The following PCDH11X variants were observed in gnomAD, a reference collection of about 807,000 sequenced individuals.
The protein encoded by PCDH11X is protocadherin-11 X-linked.
Under a neutral mutation model 53.3 loss-of-function variants are expected in PCDH11X, and 18 were observed. The observed-to-expected ratio is 0.34, with a 90% CI of 0.23 to 0.50. PCDH11X has a LOEUF of 0.50. PCDH11X is among the 20% of genes least tolerant of loss of function. The pLI is 0.98. For synonymous variants in PCDH11X, 279 were observed against 393.3 expected (o/e 0.71, Z 3.44); for missense variants, 570 against 1,032.4 (o/e 0.55, Z 6.14).
chrX:92,179,337 G>A (rs961079208), intron 6 of PCDH11X, among the ~76,000 whole-genome samples: 6 of 112,209 alleles, frequency 5.3e-5, no homozygotes, highest in South Asian at 3.6e-4. Context: ...CAGAAAACTT[G>A]AAGTTGCCCC....
intron 10 of PCDH11X, among the ~76,000 whole-genome samples, chrX:92,473,843 T>A (rs1346361794): frequency 3.6e-5 from 4 of 111,832 alleles, no homozygotes; most frequent in African/African-American, 1.3e-4. Flanking sequence ...TTGAATGTTT[T>A]AAGAATTGTT....
intron 10 of PCDH11X, among the ~76,000 whole-genome samples, chrX:92,474,411 C>A (rs1400512837): frequency 9.5e-6 from 1 of 105,162 alleles, no homozygotes; most frequent in Non-Finnish European, 1.9e-5. Flanking sequence ...CACTCTATGC[C>A]TTTTGATTGG....
intron 6 of PCDH11X, among the ~76,000 whole-genome samples, chrX:92,198,695 T>C (rs1246125671): frequency 9.0e-6 from 1 of 111,226 alleles, no homozygotes; most frequent in Admixed American, 9.7e-5. Context: ...CTGCATCTTA[T>C]TATTTTCATG....
intron 10 of PCDH11X, among the ~76,000 whole-genome samples, chrX:92,472,370 C>CT (rs750331340): frequency 0.04 from 2,121 of 52,502 alleles, 76 homozygotes; most frequent in African/African-American, 0.055. Context: ...TTCTTCAGAG[C>CT]TTTTTTTTTT....
chrX:91,903,664 T>C (rs1484888045), intron 6 of PCDH11X, among the ~76,000 whole-genome samples: 2 of 107,933 alleles, frequency 1.9e-5, no homozygotes, highest in African/African-American at 6.8e-5. Flanking sequence ...TGCGTGTGTG[T>C]GTGTGTGTGT....
chrX:91,804,191 G>T (rs1386321237), intron 1 of PCDH11X, among the ~76,000 whole-genome samples: 2 of 111,285 alleles, frequency 1.8e-5, no homozygotes, highest in East Asian at 5.7e-4. Flanking sequence ...AAAAATCATC[G>T]AGTTAATTAA....
At chrX:91,919,399 C>T (rs1335908817) in intron 6 of PCDH11X, among the ~76,000 whole-genome samples, 2 of 111,634 alleles carry the variant, frequency 1.8e-5, no homozygotes, top group Non-Finnish European at 3.8e-5. Flanking sequence ...TGGGTACTTC[C>T]GTGAAAGTGA....
intron 10 of PCDH11X, among the ~76,000 whole-genome samples, chrX:92,608,479 TC>T (rs1927041862): frequency 9.1e-6 from 1 of 109,809 alleles, no homozygotes; most frequent in African/African-American, 3.3e-5. Flanking sequence ...CTTTGTATTA[TC>T]GTTTGTCCTA....
At position 92,387,808 on chromosome X, in the gene PCDH11X, A is replaced by G. The variant is rs2071041260; in HGVS notation, c.3218A>G (p.His1073Arg). The G allele has an allele frequency of 2.5e-6, 3 of 1,211,979 alleles. No individual in the cohort carries two copies. Among genetic ancestry groups the G allele is most frequent in the Middle Eastern group, 2.3e-4 (1 of 4,348 alleles). Residue 1073 changes from histidine to arginine, a missense_variant, in exon 9 of 11, where the codon CAT becomes CGT. By Grantham distance (29) the His-to-Arg change is conservative. Coordinates refer to ENST00000682573, the MANE Select transcript of PCDH11X (RefSeq NM_032968.5). Reference sequence around the variant, plus strand: ...AGCAGTGATGGTGGACTGGGAGACCATGATGCAGGCAGCCTTACCAGCACA... The same window carrying G: ...AGCAGTGATGGTGGACTGGGAGACCGTGATGCAGGCAGCCTTACCAGCACA... ...ESSSDGGLGD[H>R]DAGSLTSTSH...
rs2755296 is a variant in PCDH11X at position 92,302,061 on chromosome X, C to T, written c.3144+38918C>T. Among the ~76,000 whole-genome samples, 402 of 111,360 alleles carry T rather than the reference C, an allele frequency of 3.6e-3. 2 individuals carry two copies. Among genetic ancestry groups the T allele is most frequent in the African/African-American group, 0.013 (393 of 30,573 alleles). ...GGCAGATTGGGACCCTAGTATTCTTCGTTGTATCTTTTCCAAGGTAGAACC... is the reference window on the plus strand; with the variant it reads ...GGCAGATTGGGACCCTAGTATTCTTTGTTGTATCTTTTCCAAGGTAGAACC... On this transcript the variant is annotated intron_variant, in intron 8 of 10. Coordinates refer to ENST00000682573, the MANE Select transcript of PCDH11X (RefSeq NM_032968.5).
chrX:92,298,216 G>T (rs34608881), intron 8 of PCDH11X, among the ~76,000 whole-genome samples: 1 of 111,599 alleles, frequency 9.0e-6, no homozygotes, highest in East Asian at 2.8e-4. Flanking sequence ...GAGCATTATT[G>T]TCTTGTTCCA....
intron 1 of PCDH11X, among the ~76,000 whole-genome samples, 198 bp from the exon 2 acceptor site, chrX:91,809,268 A>C (rs768321281): frequency 9.0e-6 from 1 of 110,890 alleles, no homozygotes; most frequent in East Asian, 2.8e-4. Flanking sequence ...CCAGCTATTT[A>C]TCAAAAACAT....
At chrX:92,403,333 T>TTTTG (rs1318716850) in intron 9 of PCDH11X, among the ~76,000 whole-genome samples, 40 of 75,081 alleles carry the variant, frequency 5.3e-4, no homozygotes, top group African/African-American at 2.5e-3. Flanking sequence ...ATTTACGTTT[T>TTTTG]TTTTTGTTTT....
intron 10 of PCDH11X, among the ~76,000 whole-genome samples, chrX:92,548,470 C>A (rs754043129): frequency 5.7e-4 from 64 of 111,781 alleles, no homozygotes; most frequent in Middle Eastern, 4.6e-3. Flanking sequence ...CGCACGCAGC[C>A]CCTAAAATTC....
intron 10 of PCDH11X, among the ~76,000 whole-genome samples, chrX:92,545,975 G>A (rs2148743759): frequency 9.5e-6 from 1 of 105,548 alleles, no homozygotes; most frequent in African/African-American, 3.3e-5. Flanking sequence ...TAGCCTTCAG[G>A]CACTGTCAGT....
chrX:92,218,218 G>A (rs1190136859), intron 7 of PCDH11X, among the ~76,000 whole-genome samples: 28 of 110,501 alleles, frequency 2.5e-4, no homozygotes, highest in African/African-American at 8.9e-4. Flanking sequence ...GAAGGAAATA[G>A]AGACACATAA....
intron 6 of PCDH11X, among the ~76,000 whole-genome samples, chrX:92,171,308 C>A (rs1243677184): frequency 9.6e-6 from 1 of 104,459 alleles, no homozygotes; most frequent in Admixed American, 1.0e-4. Flanking sequence ...TGTTGTTTTT[C>A]CAAAATTTTA....
intron 8 of PCDH11X, among the ~76,000 whole-genome samples, chrX:92,282,531 A>G (rs1163729581): frequency 3.6e-5 from 4 of 112,054 alleles, no homozygotes; most frequent in African/African-American, 1.3e-4. Flanking sequence ...TGAAGTTAAG[A>G]AAGCTAAGAA....
intron 1 of PCDH11X, among the ~76,000 whole-genome samples, chrX:91,794,387 A>G (rs1019357445): frequency 1.8e-5 from 2 of 111,691 alleles, no homozygotes; most frequent in African/African-American, 6.5e-5. Context: ...ATTGCCATGT[A>G]GACTGAGTTA....
Sources: allele counts gnomAD v4.1 joint callset (sites outside exome capture counted in the v4.1 genomes callset), GRCh38; gene constraint gnomAD v4.1.1; transcripts MANE v1.5; gene names NCBI Gene and HGNC (gene_info 2026-07-23, HGNC 2026-07-21).